Variants in AMZ1 observed in about 807,000 individuals in gnomAD.
AMZ1 encodes archaemetzincin-1.
Under a neutral mutation model 29.9 loss-of-function variants are expected in AMZ1, and 39 were observed. The ratio of observed to expected loss-of-function variants is 1.30; its 90% CI spans 1.01 to 1.70. AMZ1 has a LOEUF of 1.70. Ranked by LOEUF, AMZ1 falls within the 40% of genes most tolerant of loss-of-function variation. The pLI is 0.00. For synonymous variants in AMZ1, 458 were observed against 304.0 expected (o/e 1.51, Z -5.27); for missense variants, 1,041 against 680.6 (o/e 1.53, Z -5.89).
intron 3 of AMZ1, among the ~76,000 whole-genome samples, chr7:2,707,441 T>G (rs1788426000): frequency 6.6e-6 from 1 of 152,032 alleles, no homozygotes; most frequent in Admixed American, 6.6e-5. Flanking sequence ...CCTGGGCCCG[T>G]GGTGGCTGCT....
At chr7:2,743,398 T>C (rs1213281487) in intron 4 of AMZ1, among the ~76,000 whole-genome samples, 1 of 152,126 alleles carries the variant, frequency 6.6e-6, no homozygotes, top group African/African-American at 2.4e-5. Flanking sequence ...AAGATATTCA[T>C]CATCAGGGGC....
In AMZ1 at chr7:2,726,032, C is replaced by G. The variant is rs867433521; in HGVS notation, n.550+16216C>G. 2.9e-4 allele frequency among the ~76,000 whole-genome samples: 44 copies of G among 152,298 alleles called. No homozygotes were observed. In the Middle Eastern group the frequency reaches 0.01, roughly 35 times the overall value. ...ACCATCTCTCCCCGGGGCTGCTGTG[C>G]AAATTAAGCAAGTCTTAAAGTGGCC... is the stretch of plus-strand genomic sequence containing the variant. On this transcript the variant is annotated intron_variant and non_coding_transcript_variant, in intron 4 of 4. Transcript: ENST00000489665.
rs981656236 is a variant in AMZ1, at chr7:2,717,882, G to A, written c.*5004G>A. ...TTTTAAAAAGCAATTTCCAAGAAGC[G>A]TCCTGGGGTCACCACGCGTTCAGTC... On this transcript the variant is annotated 3_prime_UTR_variant, in exon 7 of 7. Transcript: ENST00000683327. Among the ~76,000 whole-genome samples the A allele has an allele frequency of 7.2e-5, 11 of 152,310 alleles. No homozygotes were observed. The highest frequency in any genetic ancestry group is 2.1e-4 in the South Asian group (1 of 4,830).
intron 1 of AMZ1, among the ~76,000 whole-genome samples, chr7:2,682,534 G>T (rs1001858653): frequency 1.3e-5 from 2 of 152,172 alleles, no homozygotes; most frequent in Non-Finnish European, 2.9e-5. Context: ...TGTACTCTGT[G>T]CTAGGACACC....
upstream of AMZ1, chr7:2,760,504 C>T (rs1476945827): frequency 6.6e-6 from 1 of 152,426 alleles, no homozygotes; most frequent in Non-Finnish European, 1.5e-5. Flanking sequence ...CGTGGCTTCA[C>T]TTCCTTCTGG....
At chr7:2,735,938 G>A (rs1324024278) in intron 4 of AMZ1, among the ~76,000 whole-genome samples, 2 of 152,084 alleles carry the variant, frequency 1.3e-5, no homozygotes, top group Non-Finnish European at 2.9e-5. Context: ...GATCCAGAAC[G>A]CTGTCACTCA....
At chr7:2,761,258 C>A (rs1791540866), upstream of AMZ1, among the ~76,000 whole-genome samples, 1 of 152,188 alleles carries the variant, frequency 6.6e-6, no homozygotes, top group Non-Finnish European at 1.5e-5. Context: ...CACAGTCCCC[C>A]TCTGGGTCTC....
rs1167919661 is a variant in AMZ1 at position 2,719,033 on chromosome 7, T to C, written c.*6155T>C. 7.8e-6 allele frequency among the ~76,000 whole-genome samples: 1 copy of C among 128,720 alleles called. No homozygotes were observed. Among genetic ancestry groups the C allele is most frequent in the Non-Finnish European group, 1.7e-5 (1 of 59,420 alleles). 84.4% of individuals were successfully genotyped at this position (128,720 alleles called of 152,430 possible). ...CTTTTTTTTTTTTTTTTCCCCCCCA[T>C]CTGAAGTGAGATCAAACTTCTACCA... On this transcript the variant is annotated 3_prime_UTR_variant, in exon 7 of 7. Transcript: ENST00000683327.
Position 2,712,693 on chromosome 7 carries a change from G to T in AMZ1, c.1312G>T (p.Asp438Tyr). 1 of 1,612,178 alleles carries T rather than the reference G, an allele frequency of 6.2e-7. No individual in the cohort carries two copies. ...GGTGGACAGAGCCGTGGACGCCCTC[G>T]ACCGCTGGGAGATGTTCACGGGCCA... ...VQVDRAVDAL[D>Y]RWEMFTGQLP... Residue 438 changes from aspartate to tyrosine, a missense_variant, in exon 7 of 7, where the codon GAC becomes TAC. By Grantham distance (160) the Asp-to-Tyr change is radical. Coordinates refer to ENST00000683327, the MANE Select transcript of AMZ1 (RefSeq NM_001384743.1).
intron 1 of AMZ1, among the ~76,000 whole-genome samples, chr7:2,689,873 G>A (rs1297019568): frequency 6.6e-6 from 1 of 152,166 alleles, no homozygotes; most frequent in Non-Finnish European, 1.5e-5. Flanking sequence ...CCCCCACTAA[G>A]GCGGCTCCCT....
rs777971344 is a variant in AMZ1, at chr7:2,731,341, C to T, written n.550+21525C>T. 1.7e-5 allele frequency: 28 copies of T among 1,613,758 alleles called. No homozygotes were observed. In the East Asian group the frequency reaches 2.5e-4, roughly 14 times the overall value. On this transcript the variant is annotated intron_variant and non_coding_transcript_variant, in intron 4 of 4. Coordinates refer to the AMZ1 transcript ENST00000489665. This position sits in a 1 kb window ranked among gnomAD's most constrained non-coding sequence, Gnocchi z 6.0. ...CCTGTCGAAGCACTGGACCAGGTAG[C>T]GCTGGACGTCCTCCAGCCTGTGCGG...
At chr7:2,763,191 A>ACACACACACACAC (rs1791652924), upstream of AMZ1, 6 of 222,722 alleles carry the variant, frequency 2.7e-5, no homozygotes, top group African/African-American at 1.4e-4. Flanking sequence ...AAGACACCCC[A>ACACACACACACAC]ACACACACAC....
chr7:2,716,132 G>C lies in AMZ1; in HGVS notation c.*3254G>C, dbSNP rs149941629. Reference sequence around the variant, plus strand: ...ATCTGTATTGCTGTGTGTGCGATGAGTCTGGGGAAGCTAACACATGCCTTC... The same window carrying C: ...ATCTGTATTGCTGTGTGTGCGATGACTCTGGGGAAGCTAACACATGCCTTC... On this transcript the variant is annotated 3_prime_UTR_variant, in exon 7 of 7. Transcript: ENST00000683327. 6.6e-6 allele frequency: 1 copy of C among 152,260 alleles called. No individual in the cohort carries two copies. The highest frequency in any genetic ancestry group is 1.5e-5 in the Non-Finnish European group (1 of 68,068). The allele number at this position is 152,260 out of a possible 1,614,324, so 9.4% of individuals were successfully genotyped here.
At position 2,733,305 on chromosome 7, in the gene AMZ1, C is replaced by T. The variant is rs558388698; in HGVS notation, n.550+23489C>T. On this transcript the variant is annotated intron_variant and non_coding_transcript_variant, in intron 4 of 4. Transcript: ENST00000489665. ...GGGCCCAGATCCAAGTGAGAGCGTG[C>T]CATTACAGTACTATTCGTGGTAATG... The T allele has an allele frequency of 2.5e-4, 175 of 689,568 alleles. No individual in the cohort carries two copies. In the African/African-American group the frequency reaches 2.9e-3, roughly 12 times the overall value. 42.7% of individuals were successfully genotyped at this position (689,568 alleles called of 1,614,324 possible). A position where few individuals can be genotyped will look rare whatever the true frequency, so the allele number is the denominator to read the frequency against.
chr7:2,728,969 G>A (rs574183782), intron 4 of AMZ1: 16 of 152,494 alleles, frequency 1.0e-4, no homozygotes, highest in African/African-American at 3.6e-4. Flanking sequence ...CGAGTTAAAC[G>A]GACCCCACAA....
intron 1 of AMZ1, among the ~76,000 whole-genome samples, chr7:2,699,539 C>T (rs188592062): frequency 2.0e-5 from 3 of 152,034 alleles, no homozygotes; most frequent in Non-Finnish European, 2.9e-5. Context: ...CCGCCCCCCC[C>T]CAAACATATG....
intron 1 of AMZ1, among the ~76,000 whole-genome samples, chr7:2,691,573 T>G (rs1787387767): frequency 6.8e-6 from 1 of 147,536 alleles, no homozygotes; most frequent in East Asian, 1.9e-4. Context: ...AAACCTCGTT[T>G]CTACTAAAAA....
intron 4 of AMZ1, among the ~76,000 whole-genome samples, chr7:2,737,115 C>T (rs975178049): frequency 1.3e-5 from 2 of 152,040 alleles, no homozygotes; most frequent in African/African-American, 2.4e-5. Context: ...AAAAGGTAAC[C>T]GTGGATTGGT....
chr7:2,734,503 G>A (rs541139578), intron 4 of AMZ1, among the ~76,000 whole-genome samples: 1 of 152,310 alleles, frequency 6.6e-6, no homozygotes, highest in South Asian at 2.1e-4. Flanking sequence ...TGACGCAGGA[G>A]AATTTTAAGG....
Sources: gnomAD v4.1 joint callset for allele counts (sites outside exome capture counted in the v4.1 genomes callset) on GRCh38, gnomAD v4.1.1 for gene constraint, Gnocchi (gnomAD v3.1) non-coding constraint, MANE v1.5 for transcripts, NCBI Gene and HGNC (gene_info 2026-07-23, HGNC 2026-07-21) for gene names.